The following ARHGAP26 variants were observed in gnomAD, a reference collection of about 807,000 sequenced individuals.
ARHGAP26 encodes the protein Rho GTPase activating protein 26.
Under a neutral mutation model 104.8 loss-of-function variants are expected in ARHGAP26, and 38 were observed. That is an observed-to-expected ratio of 0.36 (90% confidence interval 0.28 to 0.48). The LOEUF (loss-of-function observed/expected upper bound fraction) is 0.48. Ranked by LOEUF, ARHGAP26 falls within the 20% of genes least tolerant of loss-of-function variation. ARHGAP26 has a pLI of 0.99. For missense variants in ARHGAP26, 704 were observed against 947.9 expected (o/e 0.74, Z 3.38); for synonymous variants, 341 against 340.0 (o/e 1.00, Z -0.03).
At chr5:143,031,361 C>T (rs960496123) in intron 12 of ARHGAP26, among the ~76,000 whole-genome samples, 2 of 152,136 alleles carry the variant, frequency 1.3e-5, no homozygotes, top group African/African-American at 4.8e-5. Context: ...AATAAGAAGA[C>T]CAGCCAGGAG....
intron 17 of ARHGAP26, among the ~76,000 whole-genome samples, chr5:143,072,204 C>T (rs935848179): frequency 6.6e-6 from 1 of 151,958 alleles, no homozygotes; most frequent in African/African-American, 2.4e-5. Context: ...AAATTAAAAC[C>T]ACAGTGAGGT....
intron 20 of ARHGAP26, among the ~76,000 whole-genome samples, chr5:143,204,342 G>A (rs1808226531): frequency 6.6e-6 from 1 of 152,016 alleles, no homozygotes; most frequent in South Asian, 2.1e-4. Flanking sequence ...GACCAACATG[G>A]TGAAACCCTG....
intron 11 of ARHGAP26, among the ~76,000 whole-genome samples, chr5:142,951,199 A>T (rs1768333692): frequency 6.6e-6 from 1 of 152,152 alleles, no homozygotes; most frequent in Non-Finnish European, 1.5e-5. Flanking sequence ...AGCTGAGATT[A>T]CAGGCATGTA....
In ARHGAP26 at chr5:142,892,162, A is replaced by G. The variant is rs573330602; in HGVS notation, c.487-2076A>G. Among the ~76,000 whole-genome samples, 27 of 152,130 alleles carry G rather than the reference A, an allele frequency of 1.8e-4. No individual in the cohort carries two copies. The South Asian group carries it at 5.2e-3, about 29-fold the overall frequency. On this transcript the variant is annotated intron_variant, in intron 5 of 22. Transcript: ENST00000645722. ...TTTGGGACTTCTGTGAACATGGCCCATGGCCTTTTCTGAGATTCCCTGCCC... is the reference window on the plus strand; with the variant it reads ...TTTGGGACTTCTGTGAACATGGCCCGTGGCCTTTTCTGAGATTCCCTGCCC...
At chr5:142,851,145 T>C (rs1173454457) in intron 1 of ARHGAP26, among the ~76,000 whole-genome samples, 1 of 151,904 alleles carries the variant, frequency 6.6e-6, no homozygotes, top group Admixed American at 6.6e-5. Flanking sequence ...TTGCCCAGGC[T>C]GGAGTGCAGT....
Position 143,082,346 on chromosome 5 carries a change from C to G in ARHGAP26, c.1538+24599C>G, listed in dbSNP as rs543482033. Among the ~76,000 whole-genome samples, 40 of 152,262 alleles carry G rather than the reference C, an allele frequency of 2.6e-4. No individual in the cohort carries two copies. The South Asian group carries it at 7.5e-3, about 28-fold the overall frequency. ...TGGAGTTGTGTTTACTGTTCCCATC[C>G]AGAAAGAAATGCTCTCATCACTATC... On this transcript the variant is annotated intron_variant, in intron 17 of 22. Transcript: ENST00000645722.
At chr5:143,018,766 A>G (rs1371487462) in intron 12 of ARHGAP26, among the ~76,000 whole-genome samples, 2 of 152,178 alleles carry the variant, frequency 1.3e-5, no homozygotes, top group Non-Finnish European at 2.9e-5. Context: ...CTAGTTATAT[A>G]AGTCTCCTCT....
chr5:143,089,821 A>C (rs2150516158), intron 17 of ARHGAP26, among the ~76,000 whole-genome samples: 1 of 152,288 alleles, frequency 6.6e-6, no homozygotes, highest in Admixed American at 6.5e-5. Context: ...GTCTAAATAG[A>C]CGTAAGAGTT....
chr5:143,027,531 CT>C (rs1455662350), intron 12 of ARHGAP26, among the ~76,000 whole-genome samples: 4 of 144,400 alleles, frequency 2.8e-5, no homozygotes, highest in Non-Finnish European at 6.2e-5. Flanking sequence ...AATTTGCTTA[CT>C]GGTTTTAAAC....
chr5:143,108,556 G>A (rs1375786553), intron 17 of ARHGAP26, among the ~76,000 whole-genome samples: 2 of 152,080 alleles, frequency 1.3e-5, no homozygotes, highest in Non-Finnish European at 2.9e-5. Context: ...TAAAGCTAAC[G>A]TTTTCAACTT....
At chr5:143,001,346 C>A (rs1777165864) in intron 11 of ARHGAP26, among the ~76,000 whole-genome samples, 1 of 152,016 alleles carries the variant, frequency 6.6e-6, no homozygotes, top group South Asian at 2.1e-4. Flanking sequence ...TAAAAATGGA[C>A]AAATATTGAA....
chr5:142,807,930 T>C (rs1281756435), intron 1 of ARHGAP26, among the ~76,000 whole-genome samples: 1 of 152,186 alleles, frequency 6.6e-6, no homozygotes, highest in African/African-American at 2.4e-5. Context: ...CATTTCTCTT[T>C]TATTTTTAAG....
Position 143,214,003 on chromosome 5 carries a change from G to A in ARHGAP26, c.2106G>A (p.Pro702=), listed in dbSNP as rs781016419. The A allele has an allele frequency of 1.8e-5, 29 of 1,585,406 alleles. No homozygotes were observed. Among genetic ancestry groups the A allele is most frequent in the Admixed American group, 3.4e-5 (2 of 58,776 alleles). ...TSSDSSPVST[P]FRKAKALYAC... ...AACTCCTGTTTTCACACAGCACACCGTTCCGGAAGGCAAAAGCCTTGTATG... is the reference window on the plus strand; with the variant it reads ...AACTCCTGTTTTCACACAGCACACCATTCCGGAAGGCAAAAGCCTTGTATG... The change falls in exon 22 of 23, where the codon CCG becomes CCA. Residue 702 remains proline, a synonymous_variant. Transcript: ENST00000645722.
chr5:143,030,659 G>A (rs780724916), intron 12 of ARHGAP26, among the ~76,000 whole-genome samples: 3 of 152,176 alleles, frequency 2.0e-5, no homozygotes, highest in Non-Finnish European at 4.4e-5. Flanking sequence ...ACTCTCAGAG[G>A]GTTTATATCA....
At chr5:143,066,493 T>C (rs561001717) in intron 17 of ARHGAP26, among the ~76,000 whole-genome samples, 5 of 152,338 alleles carry the variant, frequency 3.3e-5, no homozygotes, top group African/African-American at 1.2e-4. Context: ...GCCTGGCACA[T>C]AATACACCTT....
intron 10 of ARHGAP26, among the ~76,000 whole-genome samples, chr5:142,927,028 A>G (rs1407999493): frequency 6.6e-6 from 1 of 152,170 alleles, no homozygotes; most frequent in Non-Finnish European, 1.5e-5. Flanking sequence ...TTTAAAACAT[A>G]GGTAATAAGA....
intron 11 of ARHGAP26, among the ~76,000 whole-genome samples, chr5:142,989,184 G>A (rs1017389624): frequency 7.2e-5 from 11 of 152,144 alleles, no homozygotes; most frequent in African/African-American, 2.7e-4. Context: ...CCTGTATTGG[G>A]TGCATATATA....
intron 1 of ARHGAP26, among the ~76,000 whole-genome samples, chr5:142,831,857 T>C (rs923365065): frequency 3.1e-4 from 47 of 152,204 alleles, no homozygotes; most frequent in African/African-American, 1.1e-3. Context: ...TTCCTTTCTC[T>C]CTCTGCTCCT....
chr5:143,153,816 T>C (rs1296966850), intron 20 of ARHGAP26, among the ~76,000 whole-genome samples: 1 of 152,200 alleles, frequency 6.6e-6, no homozygotes, highest in Non-Finnish European at 1.5e-5. Flanking sequence ...CCAAGTTATT[T>C]CTGGTGACCT....
Sources: allele counts gnomAD v4.1 joint callset (sites outside exome capture counted in the v4.1 genomes callset), GRCh38; gene constraint gnomAD v4.1.1; transcripts MANE v1.5; gene names NCBI Gene and HGNC (gene_info 2026-07-23, HGNC 2026-07-21).